The following MAP3K8 variants were observed in gnomAD, a reference collection of about 807,000 sequenced individuals.
MAP3K8 encodes the protein Ewing sarcoma transformant.
In MAP3K8, 22 loss-of-function variants were observed where a neutral mutation model predicts 45.8. That is an observed-to-expected ratio of 0.48 (90% CI 0.34 to 0.69). MAP3K8 has a LOEUF of 0.69. Ranked by LOEUF, MAP3K8 falls within the 30% of genes least tolerant of loss-of-function variation. MAP3K8 has a pLI of 0.01. For missense variants in MAP3K8, 419 were observed against 585.0 expected (o/e 0.72, Z 2.93); for synonymous variants, 223 against 214.3 (o/e 1.04, Z -0.36).
chr10:30,457,025 A>G lies in MAP3K8; in HGVS notation c.874-1059A>G, dbSNP rs1318815909. Among the ~76,000 whole-genome samples the G allele has an allele frequency of 2.0e-5, 3 of 151,902 alleles. No homozygotes were observed. The East Asian group carries it at 5.8e-4, about 29-fold the overall frequency. ...CTTGAACCCGGGAGGCAGAGGTTGC[A>G]GTGAACCGAGATCGCACCATTGCAT... On this transcript the variant is annotated intron_variant, in intron 6 of 8. Transcript: ENST00000263056.
chr10:30,459,566 T>C (rs1836861726), intron 8 of MAP3K8, 65 bp downstream of exon 8: 3 of 1,573,948 alleles, frequency 1.9e-6, no homozygotes, highest in Middle Eastern at 2.2e-4. Context: ...ATCAAACCTC[T>C]GATGTAGTTC....
At chr10:30,435,331 G>A (rs959615013) in intron 1 of MAP3K8, among the ~76,000 whole-genome samples, 2 of 152,168 alleles carry the variant, frequency 1.3e-5, no homozygotes, top group Admixed American at 6.5e-5. Context: ...ACGGATTGAG[G>A]TTTGTGTGCA....
intron 6 of MAP3K8, among the ~76,000 whole-genome samples, chr10:30,451,948 C>T (rs1836554519): frequency 6.6e-6 from 1 of 151,994 alleles, no homozygotes; most frequent in Non-Finnish European, 1.5e-5. Context: ...GTATTTTTTG[C>T]TATGTTATTT....
chr10:30,451,512 C>T, intron 5 of MAP3K8, 126 bp from the exon 6 acceptor site: 1 of 504,704 alleles, frequency 2.0e-6, no homozygotes, highest in East Asian at 3.0e-5. Context: ...ATAATACAAC[C>T]ATCTCACTAG....
At chr10:30,459,167 T>A in intron 7 of MAP3K8, 88 bp from the exon 8 acceptor site, 1 of 1,438,062 alleles carries the variant, frequency 7.0e-7, no homozygotes. Context: ...GAAAACGGAT[T>A]ACTTTCTAGG....
At chr10:30,440,983 C>G (rs1836084666) in intron 3 of MAP3K8, among the ~76,000 whole-genome samples, 2 of 151,948 alleles carry the variant, frequency 1.3e-5, no homozygotes, top group African/African-American at 4.8e-5. Context: ...TACAAAGAAA[C>G]AACATTCTGA....
At chr10:30,435,307 C>T (rs544571650) in intron 1 of MAP3K8, among the ~76,000 whole-genome samples, 3 of 152,296 alleles carry the variant, frequency 2.0e-5, no homozygotes, top group Admixed American at 6.5e-5. Flanking sequence ...AGCTGACGCC[C>T]CCAGCTCTCT....
chr10:30,442,401 G>T (rs142534448), intron 3 of MAP3K8, among the ~76,000 whole-genome samples: 21 of 152,340 alleles, frequency 1.4e-4, no homozygotes, highest in African/African-American at 4.3e-4. Context: ...AAAACAGCAT[G>T]TGCAGAGGTC....
At chr10:30,437,105 G>C in intron 1 of MAP3K8, 71 bp from the exon 2 acceptor site, 1 of 861,362 alleles carries the variant, frequency 1.2e-6, no homozygotes, top group African/African-American at 1.8e-5. Context: ...ATTTCACGGT[G>C]GTGATAACAG....
chr10:30,435,083 G>T (rs1023932903), intron 1 of MAP3K8, among the ~76,000 whole-genome samples: 1 of 152,228 alleles, frequency 6.6e-6, no homozygotes, highest in African/African-American at 2.4e-5. Flanking sequence ...GCTCTGGGCG[G>T]AGAAGGACGC....
At position 30,453,523 on chromosome 10, in the gene MAP3K8, C is replaced by T. The variant is rs545501439; in HGVS notation, c.873+1779C>T. Among the ~76,000 whole-genome samples the T allele has an allele frequency of 8.5e-5, 13 of 152,274 alleles. No homozygotes were observed. In the South Asian group the frequency reaches 2.7e-3, roughly 32 times the overall value. ...TTCTGAAAAATGCGTTCGCGGGCTT[C>T]CAAGTAATGTATTTAACATTCACAT... On this transcript the variant is annotated intron_variant, in intron 6 of 8. Transcript: ENST00000263056.
intron 6 of MAP3K8, among the ~76,000 whole-genome samples, chr10:30,454,428 C>T (rs1836665362): frequency 6.6e-6 from 1 of 152,138 alleles, no homozygotes; most frequent in African/African-American, 2.4e-5. Context: ...GTAAAAATGG[C>T]ATGGTGGTGC....
chr10:30,453,220 A>G (rs188766352), intron 6 of MAP3K8, among the ~76,000 whole-genome samples: 47 of 152,252 alleles, frequency 3.1e-4, no homozygotes, highest in Non-Finnish European at 6.0e-4. Context: ...TAACTGCTAC[A>G]TAACTTTAAA....
chr10:30,437,218 C>A lies in MAP3K8; in HGVS notation c.-212C>A, dbSNP rs937908461. On this transcript the variant is annotated 5_prime_UTR_variant, in exon 2 of 9. Transcript: ENST00000263056. ...CGAAGAAGCCAGGGGAATAGGTAGC[C>A]ACATCTTGTTTGCAGATAAGAAAGG... 1.0e-6 allele frequency: 1 copy of A among 985,232 alleles called. No homozygotes were observed. Among genetic ancestry groups the A allele is most frequent in the Non-Finnish European group, 1.2e-6 (1 of 829,848 alleles). 61.0% of individuals were successfully genotyped at this position (985,232 alleles called of 1,614,324 possible). A position where few individuals can be genotyped will look rare whatever the true frequency, so the allele number is the denominator to read the frequency against.
chr10:30,444,994 C>G (rs190197216), intron 3 of MAP3K8, among the ~76,000 whole-genome samples: 1 of 152,234 alleles, frequency 6.6e-6, no homozygotes, highest in African/African-American at 2.4e-5. Context: ...TTGTAGACTT[C>G]GATGAGATAA....
At chr10:30,455,675 A>G (rs1379885079) in intron 6 of MAP3K8, among the ~76,000 whole-genome samples, 1 of 152,212 alleles carries the variant, frequency 6.6e-6, no homozygotes, top group African/African-American at 2.4e-5. Flanking sequence ...TAGTCATCAC[A>G]TGCACATATA....
In MAP3K8 at chr10:30,450,221, G is replaced by A. The variant is rs749145252; in HGVS notation, c.505-37G>A. ...TTTTATATTTTTAAGATGACTTTGG[G>A]GTTATTTAGAATCTCGCTTGTATTT... is the stretch of plus-strand genomic sequence containing the variant. On this transcript the variant is annotated intron_variant, in intron 4 of 8. Transcript: ENST00000263056. 2.6e-6 allele frequency: 4 copies of A among 1,545,598 alleles called. No homozygotes were observed. The African/African-American group carries it at 5.5e-5, about 21-fold the overall frequency.
At chr10:30,456,945 G>A (rs1391579981) in intron 6 of MAP3K8, among the ~76,000 whole-genome samples, 6 of 152,128 alleles carry the variant, frequency 3.9e-5, no homozygotes, top group Admixed American at 2.6e-4. Flanking sequence ...TTAGCCAGGC[G>A]TGGTAGCACA....
intron 8 of MAP3K8, 24 bp downstream of exon 8, chr10:30,459,525 G>T (rs367715766): frequency 4.5e-5 from 72 of 1,610,694 alleles, no homozygotes; most frequent in Non-Finnish European, 5.7e-5. Context: ...GCTGTGTGCC[G>T]CACACTTACT....
Sources: allele counts gnomAD v4.1 joint callset (sites outside exome capture counted in the v4.1 genomes callset), GRCh38; gene constraint gnomAD v4.1.1; transcripts MANE v1.5; gene names NCBI Gene and HGNC (gene_info 2026-07-23, HGNC 2026-07-21).